CELF2: variants seen among roughly 807,000 people sequenced by gnomAD.
The protein encoded by CELF2 is CUG triplet repeat RNA-binding protein 2.
CELF2 carries 8 observed loss-of-function variants against 62.6 expected under a neutral mutation model. The observed-to-expected ratio is 0.13, with a 90% CI of 0.07 to 0.23. The LOEUF (loss-of-function observed/expected upper bound fraction) is 0.23. CELF2 is among the 10% of genes least tolerant of loss of function. The pLI is 1.00. For missense variants in CELF2, 333 were observed against 671.0 expected, an observed-to-expected ratio of 0.50 and a Z score of 5.56; for synonymous variants, 258 against 250.0, an observed-to-expected ratio of 1.03 and a Z score of -0.30.
At chr10:10,549,010 T>C in the CELF2 span, among the ~76,000 whole-genome samples, 1 of 152,230 alleles carries the variant, frequency 6.6e-6, no homozygotes, top group Non-Finnish European at 1.5e-5. Context: ...TTTCATCTCA[T>C]GTAGCAGAAA....
At chr10:11,003,008 G>T (rs1464075715), upstream of CELF2, among the ~76,000 whole-genome samples, 1 of 152,162 alleles carries the variant, frequency 6.6e-6, no homozygotes, top group Non-Finnish European at 1.5e-5. The surrounding 1 kb of genome is among the most constrained non-coding windows in gnomAD (Gnocchi z 4.4). Flanking sequence ...TGGAGTTGGG[G>T]AGGTCAAAGA....
the CELF2 span, among the ~76,000 whole-genome samples, chr10:10,684,406 G>A: frequency 2.0e-5 from 3 of 152,166 alleles, no homozygotes; most frequent in Non-Finnish European, 4.4e-5. Context: ...TATGGAAAAC[G>A]ATTTCCATTG....
At chr10:10,602,480 G>C in the CELF2 span, among the ~76,000 whole-genome samples, 1 of 115,366 alleles carries the variant, frequency 8.7e-6, no homozygotes, top group East Asian at 2.4e-4. Flanking sequence ...TGGAGTAGTA[G>C]CATGTTCTAG....
chr10:11,304,877 G>A (rs960202692), intron 9 of CELF2, among the ~76,000 whole-genome samples: 4 of 152,166 alleles, frequency 2.6e-5, no homozygotes, highest in Non-Finnish European at 5.9e-5. Context: ...GGATGTCTCG[G>A]GTTGGCTGGG....
chr10:10,637,949 G>T, the CELF2 span, among the ~76,000 whole-genome samples: 2 of 152,088 alleles, frequency 1.3e-5, no homozygotes, highest in Non-Finnish European at 2.9e-5. Context: ...CAGAAGAAAA[G>T]AAAAATCATA....
At chr10:10,694,914 A>G in the CELF2 span, among the ~76,000 whole-genome samples, 5 of 149,624 alleles carry the variant, frequency 3.3e-5, no homozygotes, top group Non-Finnish European at 5.9e-5. Flanking sequence ...GTCTCTGCAC[A>G]TGAGATGGGT....
chr10:10,577,550 CTT>C, the CELF2 span, among the ~76,000 whole-genome samples: 3 of 151,162 alleles, frequency 2.0e-5, no homozygotes, highest in East Asian at 5.8e-4. Flanking sequence ...TGATGTTCCC[CTT>C]CCTGTGTCCA....
intron 1 of CELF2, among the ~76,000 whole-genome samples, chr10:11,063,387 A>G (rs555338288): frequency 6.6e-6 from 1 of 152,362 alleles, no homozygotes; most frequent in East Asian, 1.9e-4. Flanking sequence ...TTCATGACTT[A>G]TCTATAAAAT....
the CELF2 span, among the ~76,000 whole-genome samples, chr10:10,744,706 T>C: frequency 6.6e-6 from 1 of 152,050 alleles, no homozygotes; most frequent in African/African-American, 2.4e-5. Flanking sequence ...CAAGCATCCA[T>C]GGAGTATGTA....
chr10:11,026,720 A>C (rs1260966757), intron 1 of CELF2, among the ~76,000 whole-genome samples: 2 of 152,192 alleles, frequency 1.3e-5, no homozygotes, highest in Admixed American at 6.5e-5. Flanking sequence ...TGCCCGTTTT[A>C]TCCTTTTCCT....
chr10:10,862,203 C>A (rs1008026539), intron 1 of CELF2, among the ~76,000 whole-genome samples: 2 of 152,170 alleles, frequency 1.3e-5, no homozygotes, highest in Non-Finnish European at 2.9e-5. Context: ...CAAATTATCA[C>A]CAACCCCAGT....
At chr10:10,650,882 T>C in the CELF2 span, among the ~76,000 whole-genome samples, 2 of 152,028 alleles carry the variant, frequency 1.3e-5, no homozygotes, top group East Asian at 1.9e-4. Flanking sequence ...GATGGCCGAA[T>C]AGGAACAGCT....
At chr10:10,496,501 C>A in the CELF2 span, among the ~76,000 whole-genome samples, 1,991 of 152,194 alleles carry the variant, frequency 0.013, 27 homozygotes, top group Non-Finnish European at 0.022. Context: ...TAGTATGGAA[C>A]CTGGCATACA....
At chr10:11,143,064 C>T (rs571984410) in intron 1 of CELF2, among the ~76,000 whole-genome samples, 1 of 151,358 alleles carries the variant, frequency 6.6e-6, no homozygotes, top group African/African-American at 2.4e-5. Flanking sequence ...GGACTCACTC[C>T]CCTCGTGATT....
the CELF2 span, among the ~76,000 whole-genome samples, chr10:10,657,390 A>ATG: frequency 8.9e-6 from 1 of 112,652 alleles, no homozygotes; most frequent in Non-Finnish European, 2.0e-5. Flanking sequence ...ATATATTTAA[A>ATG]AGTATATACA....
In CELF2 at chr10:11,328,437, G is replaced by C. The variant is rs1022658898; in HGVS notation, c.1439-489G>C. On this transcript the variant is annotated intron_variant, in intron 12 of 12. Transcript: ENST00000633077. This position sits in a 1 kb window ranked among gnomAD's most constrained non-coding sequence, Gnocchi z 6.4. ...TCGAGTGACAGGCTGGGGCTTGGCA[G>C]TATCTGCTGTTCTCCAGCCCTTCCC... Among the ~76,000 whole-genome samples the C allele has an allele frequency of 2.0e-5, 3 of 152,220 alleles. No homozygotes were observed. The highest frequency in any genetic ancestry group is 6.5e-5 in the Admixed American group (1 of 15,284).
intron 2 of CELF2, among the ~76,000 whole-genome samples, chr10:10,944,888 T>C (rs557522694): frequency 6.6e-6 from 1 of 152,092 alleles, no homozygotes; most frequent in East Asian, 1.9e-4. Flanking sequence ...TAGGCATGAG[T>C]CCCTGCATCC....
At chr10:11,136,155 T>A (rs1300237666) in intron 1 of CELF2, among the ~76,000 whole-genome samples, 2 of 152,186 alleles carry the variant, frequency 1.3e-5, no homozygotes, top group East Asian at 3.8e-4. Context: ...ACTGGAAACC[T>A]GGGATGGAGA....
rs748189437 is a variant in CELF2 at position 11,296,038 on chromosome 10, C to T, written c.976+7486C>T. ...GCAGCTTTGGGGGTAGAGATATTTACGGTTCACCACAGAGCCCACGCTGGG... is the reference window on the plus strand; with the variant it reads ...GCAGCTTTGGGGGTAGAGATATTTATGGTTCACCACAGAGCCCACGCTGGG... On this transcript the variant is annotated intron_variant, in intron 9 of 12. Coordinates refer to ENST00000633077, the MANE Select transcript of CELF2 (RefSeq NM_001326342.2). This position sits in a 1 kb window ranked among gnomAD's most constrained non-coding sequence, Gnocchi z 5.0. Among the ~76,000 whole-genome samples, 5 of 152,236 alleles carry T rather than the reference C, an allele frequency of 3.3e-5. No individual in the cohort carries two copies. Among genetic ancestry groups the T allele is most frequent in the Middle Eastern group, 3.4e-3 (1 of 294 alleles).
Sources: gnomAD v4.1 joint callset for allele counts (sites outside exome capture counted in the v4.1 genomes callset) on GRCh38, gnomAD v4.1.1 for gene constraint, Gnocchi (gnomAD v3.1) non-coding constraint, MANE v1.5 for transcripts, NCBI Gene and HGNC (gene_info 2026-07-23, HGNC 2026-07-21) for gene names.